Variants in MYO16 observed in about 807,000 individuals in gnomAD.
MYO16 encodes myosin XVI, also known as unconventional myosin-XVI.
Under a neutral mutation model 205.3 loss-of-function variants are expected in MYO16, and 94 were observed. That is an observed-to-expected ratio of 0.46 (90% CI 0.39 to 0.54). The LOEUF is 0.54. Among genes scored for constraint, MYO16 ranks in the 20% least tolerant of loss-of-function variants. The pLI, the probability that MYO16 is intolerant of heterozygous loss-of-function variation, is 0.00. For synonymous variants in MYO16, 988 were observed against 954.0 expected, an observed-to-expected ratio of 1.04 and a Z score of -0.66; for missense variants, 2,315 against 2,387.5, an observed-to-expected ratio of 0.97 and a Z score of 0.63.
At chr13:108,761,257 T>C (rs555150764) in intron 4 of MYO16, among the ~76,000 whole-genome samples, 2 of 152,242 alleles carry the variant, frequency 1.3e-5, no homozygotes, top group South Asian at 4.2e-4. Context: ...ACCTTGACCC[T>C]TCCCAAAATA....
intron 20 of MYO16, among the ~76,000 whole-genome samples, chr13:108,968,548 C>T (rs976817724): frequency 1.3e-5 from 2 of 152,072 alleles, no homozygotes; most frequent in Non-Finnish European, 2.9e-5. Flanking sequence ...ATCACTTGAA[C>T]CTGGGAGGCG....
At chr13:108,782,520 A>G (rs760299882) in intron 4 of MYO16, among the ~76,000 whole-genome samples, 8 of 152,166 alleles carry the variant, frequency 5.3e-5, no homozygotes, top group Non-Finnish European at 1.2e-4. Flanking sequence ...CCATTTTTTG[A>G]GGAGAAATTC....
intron 5 of MYO16, among the ~76,000 whole-genome samples, chr13:108,786,049 G>T (rs1886448476): frequency 6.6e-6 from 1 of 152,208 alleles, no homozygotes; most frequent in South Asian, 2.1e-4. Flanking sequence ...TCTCCCCTGG[G>T]AGGGGAAGGG....
intron 20 of MYO16, among the ~76,000 whole-genome samples, chr13:108,991,525 C>T (rs143436014): frequency 2.7e-4 from 41 of 152,328 alleles, no homozygotes; most frequent in African/African-American, 7.5e-4. Context: ...TACCTTACAT[C>T]GCACTTGGGT....
intron 3 of MYO16, among the ~76,000 whole-genome samples, chr13:108,716,077 T>C (rs550674926): frequency 2.0e-5 from 3 of 152,316 alleles, no homozygotes; most frequent in African/African-American, 7.2e-5. Flanking sequence ...AATATGTGGT[T>C]TTTTCTCTCT....
At chr13:109,185,313 G>C (rs1439439660) in intron 34 of MYO16, among the ~76,000 whole-genome samples, 1 of 152,038 alleles carries the variant, frequency 6.6e-6, no homozygotes, top group Non-Finnish European at 1.5e-5. Flanking sequence ...TCATGTAAGT[G>C]CACAAAAAAG....
At chr13:109,186,427 T>C (rs1326511306) in intron 34 of MYO16, among the ~76,000 whole-genome samples, 2 of 152,100 alleles carry the variant, frequency 1.3e-5, no homozygotes, top group South Asian at 2.1e-4. Context: ...GTCTGTTGTG[T>C]TGTGGTCCAC....
At chr13:108,606,458 A>G (rs1878962193) in intron 1 of MYO16, among the ~76,000 whole-genome samples, 1 of 152,210 alleles carries the variant, frequency 6.6e-6, no homozygotes. Flanking sequence ...AGACCAAGGT[A>G]CAGCTTGGGC....
chr13:108,817,694 A>G (rs1875703741), intron 7 of MYO16, among the ~76,000 whole-genome samples: 1 of 152,230 alleles, frequency 6.6e-6, no homozygotes. Context: ...AAATACAGCT[A>G]AGACGGCTTC....
intron 27 of MYO16, among the ~76,000 whole-genome samples, chr13:109,092,162 T>C (rs533340707): frequency 1.8e-4 from 28 of 152,302 alleles, no homozygotes; most frequent in African/African-American, 6.5e-4. Context: ...AATGAAGCGG[T>C]AAAGCCAATA....
intron 11 of MYO16, among the ~76,000 whole-genome samples, chr13:108,863,227 T>C: frequency 6.6e-6 from 1 of 152,094 alleles, no homozygotes. Flanking sequence ...AGAACTTCAC[T>C]AAAAAGACTG....
the MYO16 span, among the ~76,000 whole-genome samples, chr13:108,528,072 T>G: frequency 6.6e-5 from 10 of 152,198 alleles, no homozygotes; most frequent in African/African-American, 1.9e-4. Context: ...AGGCATTTAC[T>G]GAAACATGAG....
chr13:108,682,865 G>A (rs923141536), intron 2 of MYO16, among the ~76,000 whole-genome samples: 6 of 152,126 alleles, frequency 3.9e-5, no homozygotes, highest in African/African-American at 1.4e-4. Flanking sequence ...AATGTGCTTG[G>A]TCATGTCTTT....
At chr13:108,812,152 C>T (rs996178469) in intron 7 of MYO16, among the ~76,000 whole-genome samples, 20 of 152,156 alleles carry the variant, frequency 1.3e-4, no homozygotes, top group Non-Finnish European at 1.0e-4. Context: ...ATTGAGATGT[C>T]ACTTCACTGG....
intron 16 of MYO16, among the ~76,000 whole-genome samples, chr13:108,924,412 A>G (rs1881886600): frequency 6.6e-6 from 1 of 152,144 alleles, no homozygotes; most frequent in African/African-American, 2.4e-5. Context: ...TGCAAGTACA[A>G]CCTGCTGAGC....
chr13:108,973,631 G>T (rs931524258), intron 20 of MYO16, among the ~76,000 whole-genome samples: 3 of 152,168 alleles, frequency 2.0e-5, no homozygotes, highest in African/African-American at 7.2e-5. Context: ...CAGCTTCCTA[G>T]GGTCTCAAAA....
Position 108,943,132 on chromosome 13 carries a change from G to C in MYO16, c.1926-14556G>C, listed in dbSNP as rs180700201. On this transcript the variant is annotated intron_variant, in intron 16 of 34. Transcript: ENST00000457511. ...AAGAAATGAGTATTCTGGCCCAAAA[G>C]AGGAAAGGTATGAAACATTTCTGGA... 6.6e-4 allele frequency among the ~76,000 whole-genome samples: 100 copies of C among 152,336 alleles called. 1 individual carries two copies. Among genetic ancestry groups the C allele is most frequent in the Admixed American group, 1.4e-3 (21 of 15,302 alleles).
chr13:108,837,270 C>A lies in MYO16; in HGVS notation c.1098-7073C>A, dbSNP rs149572496. On this transcript the variant is annotated intron_variant, in intron 9 of 34. Transcript: ENST00000457511. Reference sequence around the variant, plus strand: ...CCACCCTGTGAAGAGGTGCCTTCTGCCATGATTGTAAGTTTCCTGAGGCCT... The same window carrying A: ...CCACCCTGTGAAGAGGTGCCTTCTGACATGATTGTAAGTTTCCTGAGGCCT... 8.6e-4 allele frequency among the ~76,000 whole-genome samples: 131 copies of A among 152,250 alleles called. 3 individuals are homozygous for A. The East Asian group carries it at 0.021, about 25-fold the overall frequency.
At chr13:108,677,335 G>GTATATATATATATATGCATATA (rs1555337950) in intron 2 of MYO16, among the ~76,000 whole-genome samples, 1 of 87,478 alleles carries the variant, frequency 1.1e-5, no homozygotes, top group African/African-American at 5.0e-5. Context: ...GTGTGTGTGT[G>GTATATATATATATATGCATATA]TATATATATA....
Sources: gnomAD v4.1 joint callset for allele counts (sites outside exome capture counted in the v4.1 genomes callset) on GRCh38, gnomAD v4.1.1 for gene constraint, MANE v1.5 for transcripts, NCBI Gene and HGNC (gene_info 2026-07-23, HGNC 2026-07-21) for gene names.